Variants in PSAT1 observed in about 807,000 individuals in gnomAD.
PSAT1 encodes phosphoserine aminotransferase.
A neutral mutation model predicts 40.3 loss-of-function variants in PSAT1; 41 were observed. The ratio of observed to expected loss-of-function variants is 1.02; its 90% CI spans 0.79 to 1.32. The LOEUF (loss-of-function observed/expected upper bound fraction) is 1.32. Ranked by LOEUF, PSAT1 falls within the 40% of genes most tolerant of loss-of-function variation. The pLI is 0.00. For missense variants in PSAT1, 406 were observed against 455.8 expected (o/e 0.89, Z 0.99); for synonymous variants, 147 against 170.5 (o/e 0.86, Z 1.07).
At chr9:78,326,963 T>A (rs1254082040) in intron 7 of PSAT1, among the ~76,000 whole-genome samples, 21 of 116,430 alleles carry the variant, frequency 1.8e-4, no homozygotes, top group African/African-American at 4.9e-4. Context: ...ATATTTTTTT[T>A]TTTTTTTTTT....
In PSAT1 at chr9:78,299,360, A is replaced by G. The variant is rs1397821023; in HGVS notation, c.61-1242A>G. Among the ~76,000 whole-genome samples, 3 of 152,186 alleles carry G rather than the reference A, an allele frequency of 2.0e-5. No individual in the cohort carries two copies. The East Asian group carries it at 5.8e-4, about 29-fold the overall frequency. On this transcript the variant is annotated intron_variant, in intron 1 of 8. Transcript: ENST00000376588. Reference sequence around the variant, plus strand: ...AGATACAGTCTCAGGAGCAAGTTCAAAGATTATTCACAGATGAATGTTTCT... The same window carrying G: ...AGATACAGTCTCAGGAGCAAGTTCAGAGATTATTCACAGATGAATGTTTCT...
rs183882827 is a variant in PSAT1 at position 78,327,013 on chromosome 9, T to C, written c.870-1038T>C. The stretch of plus-strand genomic sequence containing the variant: ...CTCTGTTGCCCAGGCTAGAGTGCTG[T>C]GGCACAATCTTGGCTCACTGCAATC... On this transcript the variant is annotated intron_variant, in intron 7 of 8. Transcript: ENST00000376588. 4.9e-3 allele frequency among the ~76,000 whole-genome samples: 708 copies of C among 144,530 alleles called. 11 individuals carry two copies. Among genetic ancestry groups the C allele is most frequent in the African/African-American group, 0.017 (654 of 37,740 alleles). 94.8% of individuals were successfully genotyped at this position (144,530 alleles called of 152,430 possible).
chr9:78,327,577 A>G (rs1828519065), intron 7 of PSAT1, among the ~76,000 whole-genome samples: 1 of 152,172 alleles, frequency 6.6e-6, no homozygotes, highest in African/African-American at 2.4e-5. Flanking sequence ...AGGGTCACAC[A>G]GCTTGGGGCA....
At chr9:78,319,320 T>G (rs937512305) in intron 7 of PSAT1, among the ~76,000 whole-genome samples, 1 of 152,212 alleles carries the variant, frequency 6.6e-6, no homozygotes, top group Non-Finnish European at 1.5e-5. Context: ...GTTGCCTGTT[T>G]CTGTGAGCTC....
chr9:78,306,633 G>C, intron 5 of PSAT1, 147 bp downstream of exon 5: 4 of 1,006,192 alleles, frequency 4.0e-6, no homozygotes, highest in East Asian at 2.4e-5. Context: ...CAGGCTGCCA[G>C]GTGCGAATTC....
At chr9:78,328,591 G>A (rs1828534588) in intron 8 of PSAT1, among the ~76,000 whole-genome samples, 2 of 151,852 alleles carry the variant, frequency 1.3e-5, no homozygotes, top group Admixed American at 1.3e-4. Context: ...GTCCTCACAT[G>A]AGAATAGCAG....
Position 78,329,310 on chromosome 9 carries a change from T to A in PSAT1, c.*224T>A. 1.8e-6 allele frequency: 1 copy of A among 541,106 alleles called. No individual in the cohort carries two copies. The highest frequency in any genetic ancestry group is 3.3e-6 in the Non-Finnish European group (1 of 302,196). 33.5% of individuals were successfully genotyped at this position (541,106 alleles called of 1,614,324 possible). A position where few individuals can be genotyped will look rare whatever the true frequency, so the allele number is the denominator to read the frequency against. On this transcript the variant is annotated 3_prime_UTR_variant, in exon 9 of 9. Transcript: ENST00000376588. The stretch of plus-strand genomic sequence containing the variant: ...CTTGAACTGGAAGCATTTTAAGAAA[T>A]CTTGTTGCTTTTCTAACAAATTCCC...
chr9:78,304,694 C>G, intron 3 of PSAT1, 41 bp from the exon 4 acceptor site: 1 of 1,553,150 alleles, frequency 6.4e-7, no homozygotes, highest in Non-Finnish European at 8.9e-7. Flanking sequence ...TCTTTGACCA[C>G]ATGAGTTTAT....
intron 7 of PSAT1, among the ~76,000 whole-genome samples, chr9:78,324,890 C>T (rs1034106916): frequency 6.6e-6 from 1 of 152,108 alleles, no homozygotes; most frequent in African/African-American, 2.4e-5. Context: ...TAGAGTTTGC[C>T]GCCCATGCTT....
chr9:78,304,913 G>T lies in PSAT1; in HGVS notation c.370G>T (p.Val124Phe). The T allele has an allele frequency of 6.2e-7, 1 of 1,612,790 alleles. No individual in the cohort carries two copies. Among genetic ancestry groups the T allele is most frequent in the South Asian group, 1.1e-5 (1 of 91,002 alleles). ...CAAGAAGTTTGGGACTATAAATATC[G>T]TTCACCCTAAACTTGGGAGTTATAC... ...EAKKFGTINIVHPKLGSYTKI... is the reference protein window; with the variant it reads ...EAKKFGTINIFHPKLGSYTKI... Residue 124 changes from valine to phenylalanine, a missense_variant, in exon 4 of 9, where the codon GTT becomes TTT. Physicochemically the swap from Val to Phe is conservative, Grantham distance 50 (BLOSUM62 -1). Coordinates refer to ENST00000376588, the MANE Select transcript of PSAT1 (RefSeq NM_058179.4).
chr9:78,306,228 C>A, intron 4 of PSAT1, 86 bp from the exon 5 acceptor site: 1 of 1,422,858 alleles, frequency 7.0e-7, no homozygotes, highest in Non-Finnish European at 9.9e-7. Context: ...CTAGGGGAGG[C>A]CTGTCAGTCT....
chr9:78,305,525 C>T (rs1054974187), intron 4 of PSAT1, among the ~76,000 whole-genome samples: 1 of 152,058 alleles, frequency 6.6e-6, no homozygotes, highest in Non-Finnish European at 1.5e-5. Context: ...TGATCAGGGG[C>T]CCCAACAATG....
chr9:78,325,069 A>T (rs1828477629), intron 7 of PSAT1, among the ~76,000 whole-genome samples: 1 of 152,142 alleles, frequency 6.6e-6, no homozygotes. Flanking sequence ...ACACAAACAC[A>T]ATATAGAATC....
chr9:78,329,217 G>A lies in PSAT1; in HGVS notation c.*131G>A. On this transcript the variant is annotated 3_prime_UTR_variant, in exon 9 of 9. Transcript: ENST00000376588. ...TGTTTATTGCAGATTCTTCTTTTTTGAAAGAACAACAGCAAAACATCCACA... is the reference window on the plus strand; with the variant it reads ...TGTTTATTGCAGATTCTTCTTTTTTAAAAGAACAACAGCAAAACATCCACA... 1 of 722,486 alleles carries A rather than the reference G, an allele frequency of 1.4e-6. No homozygotes were observed. Among genetic ancestry groups the A allele is most frequent in the South Asian group, 1.5e-5 (1 of 64,714 alleles). 44.8% of individuals were successfully genotyped at this position (722,486 alleles called of 1,614,324 possible). A position where few individuals can be genotyped will look rare whatever the true frequency, so the allele number is the denominator to read the frequency against.
intron 3 of PSAT1, among the ~76,000 whole-genome samples, chr9:78,303,338 G>A (rs909754840): frequency 2.6e-5 from 4 of 152,176 alleles, no homozygotes; most frequent in African/African-American, 7.2e-5. Flanking sequence ...CCATTGGCCT[G>A]CTGAGTATCA....
chr9:78,315,906 G>A (rs1417437630), intron 6 of PSAT1, among the ~76,000 whole-genome samples: 1 of 152,186 alleles, frequency 6.6e-6, no homozygotes, highest in Non-Finnish European at 1.5e-5. Context: ...GATCTTAGCT[G>A]AGCATTGACT....
rs180842282 is a variant in PSAT1, at chr9:78,313,922, C to T, written c.741-3754C>T. Reference sequence around the variant, plus strand: ...CTGGCCGTCCAAAGTGTTGGGATTACAGGCATGAGCCACCACACCTGGCCC... The same window carrying T: ...CTGGCCGTCCAAAGTGTTGGGATTATAGGCATGAGCCACCACACCTGGCCC... On this transcript the variant is annotated intron_variant, in intron 6 of 8. Coordinates refer to ENST00000376588, the MANE Select transcript of PSAT1 (RefSeq NM_058179.4). Among the ~76,000 whole-genome samples, 206 of 152,318 alleles carry T rather than the reference C, an allele frequency of 1.4e-3. 2 individuals carry two copies. The highest frequency in any genetic ancestry group is 4.6e-3 in the African/African-American group (193 of 41,562).
chr9:78,326,955 A>ATTTTTTTTTTTTTTTTT (rs1554688170), intron 7 of PSAT1, among the ~76,000 whole-genome samples: 5 of 75,962 alleles, frequency 6.6e-5, no homozygotes, highest in African/African-American at 4.7e-4. Flanking sequence ...ATATATATAT[A>ATTTTTTTTTTTTTTTTT]TTTTTTTTTT....
At chr9:78,319,368 G>T (rs943141344) in intron 7 of PSAT1, among the ~76,000 whole-genome samples, 4 of 152,226 alleles carry the variant, frequency 2.6e-5, no homozygotes, top group Non-Finnish European at 5.9e-5. Flanking sequence ...GCAAGCCCAG[G>T]GGGAGTTAGG....
Sources: gnomAD v4.1 joint callset for allele counts (sites outside exome capture counted in the v4.1 genomes callset) on GRCh38, gnomAD v4.1.1 for gene constraint, MANE v1.5 for transcripts, NCBI Gene and HGNC (gene_info 2026-07-23, HGNC 2026-07-21) for gene names.